Variants in OPCML observed in about 807,000 individuals in gnomAD.
OPCML encodes opioid binding protein/cell adhesion molecule like, also known as opioid-binding protein/cell adhesion molecule.
In OPCML, 13 loss-of-function variants were observed where a neutral mutation model predicts 37.8. That is an observed-to-expected ratio of 0.34 (90% CI 0.22 to 0.55). The LOEUF is 0.55. Ranked by LOEUF, OPCML falls within the 20% of genes least tolerant of loss-of-function variation. The pLI is 0.91. For synonymous variants in OPCML, 176 were observed against 168.8 expected (o/e 1.04, Z -0.33); for missense variants, 341 against 435.6 (o/e 0.78, Z 1.93).
chr11:132,629,277 C>A (rs1182095807), intron 3 of OPCML, among the ~76,000 whole-genome samples: 2 of 152,182 alleles, frequency 1.3e-5, no homozygotes, highest in Non-Finnish European at 2.9e-5. Flanking sequence ...CCTACCATAT[C>A]TAATTAAAGC....
At position 133,387,276 on chromosome 11, in the gene OPCML, G is replaced by A. The variant is rs117478510; in HGVS notation, c.61+144988C>T. On this transcript the variant is annotated intron_variant, in intron 1 of 7. Transcript: ENST00000524381. ...TAACCGGTAAGTGGTCCAGCCACAAGGAAGAGGCAAGACATCACTTGACAT... is the reference window on the plus strand; with the variant it reads ...TAACCGGTAAGTGGTCCAGCCACAAAGAAGAGGCAAGACATCACTTGACAT... Among the ~76,000 whole-genome samples, 18 of 152,316 alleles carry A rather than the reference G, an allele frequency of 1.2e-4. No individual in the cohort carries two copies. The East Asian group carries it at 3.5e-3, about 29-fold the overall frequency.
intron 3 of OPCML, among the ~76,000 whole-genome samples, chr11:132,567,596 G>A (rs753859196): frequency 3.3e-5 from 5 of 152,166 alleles, no homozygotes; most frequent in Admixed American, 6.5e-5. Context: ...CTCGGGCAGG[G>A]GGAGGCAAGG....
chr11:132,915,957 AT>A (rs2136560624), intron 2 of OPCML, among the ~76,000 whole-genome samples: 1 of 152,294 alleles, frequency 6.6e-6, no homozygotes, highest in Admixed American at 6.5e-5. Flanking sequence ...CAATCTATCA[AT>A]ATATCAGTCT....
intron 1 of OPCML, among the ~76,000 whole-genome samples, chr11:133,471,697 G>A (rs1048307413): frequency 2.0e-5 from 3 of 152,190 alleles, no homozygotes; most frequent in African/African-American, 7.2e-5. Flanking sequence ...GACTACTTGA[G>A]GTAAAACAGA....
At chr11:132,973,167 C>T (rs1326954778) in intron 1 of OPCML, among the ~76,000 whole-genome samples, 1 of 152,174 alleles carries the variant, frequency 6.6e-6, no homozygotes, top group Non-Finnish European at 1.5e-5. Context: ...ATTTCTGGCT[C>T]CATCCTGGCC....
intron 3 of OPCML, among the ~76,000 whole-genome samples, chr11:132,651,609 G>A (rs1038706114): frequency 2.0e-5 from 3 of 152,152 alleles, no homozygotes; most frequent in African/African-American, 7.2e-5. Context: ...GTAAGGAACG[G>A]CTGAGATAAC....
chr11:132,584,996 G>A (rs1299500332), intron 3 of OPCML, among the ~76,000 whole-genome samples: 1 of 152,164 alleles, frequency 6.6e-6, no homozygotes, highest in Non-Finnish European at 1.5e-5. Context: ...GCTGTGATTG[G>A]CAGACTCGTT....
Position 132,837,422 on chromosome 11 carries a change from C to T in OPCML, c.146+105504G>A, listed in dbSNP as rs117241258. Among the ~76,000 whole-genome samples the T allele has an allele frequency of 1.7e-3, 260 of 152,266 alleles. 5 individuals carry two copies. The East Asian group carries it at 0.046, about 27-fold the overall frequency. The stretch of plus-strand genomic sequence containing the variant: ...TCTACTTCCTTCACTTATCCATGGA[C>T]CCATTGTGTCATGTTTCCATCTAGC... On this transcript the variant is annotated intron_variant, in intron 2 of 7. Coordinates refer to ENST00000524381, the MANE Select transcript of OPCML (RefSeq NM_001012393.5).
intron 1 of OPCML, among the ~76,000 whole-genome samples, chr11:133,369,394 C>A (rs1431098056): frequency 6.6e-6 from 1 of 152,090 alleles, no homozygotes; most frequent in African/African-American, 2.4e-5. Context: ...AGAAAAGCTC[C>A]CCAAAAGAAA....
intron 4 of OPCML, among the ~76,000 whole-genome samples, chr11:132,448,957 T>C (rs916746778): frequency 5.9e-5 from 9 of 152,234 alleles, no homozygotes; most frequent in African/African-American, 1.9e-4. Flanking sequence ...CCTAGCAATA[T>C]GGTCTATGAC....
intron 1 of OPCML, among the ~76,000 whole-genome samples, chr11:133,097,923 TCTA>T (rs1375044564): frequency 6.6e-6 from 1 of 152,198 alleles, no homozygotes; most frequent in Admixed American, 6.5e-5. Flanking sequence ...ACCAGTGAAT[TCTA>T]CTACATTTTT....
intron 2 of OPCML, 38 bp downstream of exon 2, chr11:132,942,888 C>A: frequency 7.0e-7 from 1 of 1,418,646 alleles, no homozygotes; most frequent in Non-Finnish European, 9.6e-7. Context: ...GCGACCACAG[C>A]CCAGGGGCTC....
At chr11:132,614,853 T>C (rs1262956379) in intron 3 of OPCML, among the ~76,000 whole-genome samples, 3 of 152,188 alleles carry the variant, frequency 2.0e-5, no homozygotes, top group African/African-American at 7.2e-5. Flanking sequence ...AATAACATAC[T>C]GAGATTTACG....
intron 1 of OPCML, among the ~76,000 whole-genome samples, chr11:133,458,251 TATATACACGTGTGTGTATATATACACACA>T (rs1946730686): frequency 3.3e-5 from 3 of 91,624 alleles, no homozygotes; most frequent in Admixed American, 1.9e-4. Context: ...TATACACATA[TATATACACGTGTGTGTATATATACACACA>T]TATATACACG....
chr11:133,033,866 G>A (rs186031424), intron 1 of OPCML, among the ~76,000 whole-genome samples: 69 of 152,132 alleles, frequency 4.5e-4, no homozygotes, highest in East Asian at 7.8e-4. Context: ...AGGCAGATAC[G>A]ATATCCCCAA....
At chr11:132,623,167 G>A (rs1304664394) in intron 3 of OPCML, among the ~76,000 whole-genome samples, 1 of 152,164 alleles carries the variant, frequency 6.6e-6, no homozygotes, top group Non-Finnish European at 1.5e-5. Context: ...CTCCACAAAC[G>A]AAAATGCTGG....
At chr11:132,647,453 AC>A (rs1160676682) in intron 3 of OPCML, among the ~76,000 whole-genome samples, 2 of 152,248 alleles carry the variant, frequency 1.3e-5, no homozygotes, top group Non-Finnish European at 2.9e-5. Flanking sequence ...AAATTTAACT[AC>A]TAAGAGCCTA....
intron 7 of OPCML, chr11:132,435,097 C>T (rs963088305): frequency 9.1e-6 from 9 of 991,342 alleles, no homozygotes; most frequent in Middle Eastern, 2.4e-4. Context: ...TTGAAGTAGG[C>T]TAAAACTCAA....
At chr11:132,695,642 G>A (rs1943573938) in intron 2 of OPCML, among the ~76,000 whole-genome samples, 1 of 152,162 alleles carries the variant, frequency 6.6e-6, no homozygotes, top group African/African-American at 2.4e-5. Context: ...TGACACAAAA[G>A]ATGAGGGCAG....
Sources: allele counts gnomAD v4.1 joint callset (sites outside exome capture counted in the v4.1 genomes callset), GRCh38; gene constraint gnomAD v4.1.1; transcripts MANE v1.5; gene names NCBI Gene and HGNC (gene_info 2026-07-23, HGNC 2026-07-21).